ARV1: variants seen among roughly 807,000 people sequenced by gnomAD.
ARV1 encodes the protein protein ARV1.
A neutral mutation model predicts 31.1 loss-of-function variants in ARV1; 26 were observed. That is an observed-to-expected ratio of 0.84 (90% CI 0.61 to 1.16). ARV1 has a LOEUF of 1.16. Ranked by LOEUF, ARV1 falls within the 50% of genes most tolerant of loss-of-function variation. The pLI is 0.00. For missense variants in ARV1, 281 were observed against 324.9 expected (o/e 0.86, Z 1.04); for synonymous variants, 117 against 123.2 (o/e 0.95, Z 0.34).
rs112998971 is a variant in ARV1, at chr1:230,992,332, C to T, written c.448+2069C>T. Among the ~76,000 whole-genome samples, 935 of 152,144 alleles carry T rather than the reference C, an allele frequency of 6.1e-3. 7 individuals carry two copies. Among genetic ancestry groups the T allele is most frequent in the African/African-American group, 0.021 (874 of 41,460 alleles). On this transcript the variant is annotated intron_variant, in intron 3 of 5. Transcript: ENST00000310256. ...CCTTTGAAGTGGCTCTTCCTGTGCC[C>T]GGAATGCCTGTCCCCCTGATGCCCA... is the stretch of plus-strand genomic sequence containing the variant.
At chr1:230,999,355 T>C (rs1341530601) in intron 5 of ARV1, among the ~76,000 whole-genome samples, 1 of 152,134 alleles carries the variant, frequency 6.6e-6, no homozygotes, top group East Asian at 1.9e-4. Context: ...TTCTAACACC[T>C]CCAAACCAGC....
intron 3 of ARV1, among the ~76,000 whole-genome samples, chr1:230,994,734 C>T (rs1679316510): frequency 6.6e-6 from 1 of 151,986 alleles, no homozygotes; most frequent in South Asian, 2.1e-4. Context: ...TTAGTAGAGA[C>T]GGGGTTTCAC....
At chr1:230,985,964 T>G (rs1679054740) in intron 1 of ARV1, among the ~76,000 whole-genome samples, 1 of 151,944 alleles carries the variant, frequency 6.6e-6, no homozygotes, top group Non-Finnish European at 1.5e-5. Context: ...TTGCCCAGGC[T>G]GGAGTGCAGT....
At chr1:230,982,068 T>G (rs896922276) in intron 1 of ARV1, among the ~76,000 whole-genome samples, 3 of 152,368 alleles carry the variant, frequency 2.0e-5, no homozygotes, top group African/African-American at 7.2e-5. Flanking sequence ...TGTCTTCTCC[T>G]ACTGGAAAGT....
chr1:230,982,892 G>C (rs1185890914), intron 1 of ARV1, among the ~76,000 whole-genome samples: 1 of 151,988 alleles, frequency 6.6e-6, no homozygotes, highest in Non-Finnish European at 1.5e-5. Flanking sequence ...ATATACTTTG[G>C]TCTCTTCCCT....
intron 4 of ARV1, 78 bp from the exon 5 acceptor site, chr1:230,997,043 A>C: frequency 6.5e-7 from 1 of 1,527,204 alleles, no homozygotes; most frequent in Non-Finnish European, 8.9e-7. Context: ...TTTACAAAAC[A>C]ATTCATACTA....
chr1:230,983,412 C>CAAAAA (rs386369944), intron 1 of ARV1, among the ~76,000 whole-genome samples: 33 of 106,426 alleles, frequency 3.1e-4, no homozygotes, highest in African/African-American at 1.1e-3. Flanking sequence ...GACTCCGTCT[C>CAAAAA]AAAAAAAAAA....
chr1:230,994,194 G>C (rs2103054437), intron 3 of ARV1, among the ~76,000 whole-genome samples: 1 of 152,292 alleles, frequency 6.6e-6, no homozygotes, highest in Middle Eastern at 3.4e-3. Flanking sequence ...GGCTGGTGTA[G>C]TTCCATAAAT....
intron 1 of ARV1, among the ~76,000 whole-genome samples, chr1:230,983,132 C>T (rs1326485854): frequency 3.9e-5 from 6 of 152,090 alleles, no homozygotes; most frequent in East Asian, 1.9e-4. Flanking sequence ...ACAGTACTTT[C>T]GGCCTAGCAC....
chr1:230,980,772 A>AG (rs1279454008), intron 1 of ARV1, among the ~76,000 whole-genome samples: 1 of 151,516 alleles, frequency 6.6e-6, no homozygotes, highest in Non-Finnish European at 1.5e-5. Context: ...TCAAAAAAAA[A>AG]AAAAAAACCA....
Position 230,979,276 on chromosome 1 carries a change from C to T in ARV1, c.171C>T (p.Ile57=). ...DYNHGVLKIT[I]CKSCQKPVDK... ...ACCACGGTGTGCTGAAGATAACCAT[C>T]TGTGTGAGTTGTCAGGTGTGGGGTG... The change falls in exon 1 of 6, where the codon ATC becomes ATT. Residue 57 remains isoleucine, a synonymous_variant. Coordinates refer to ENST00000310256, the MANE Select transcript of ARV1 (RefSeq NM_022786.3). The T allele has an allele frequency of 6.2e-7, 1 of 1,613,350 alleles. No individual in the cohort carries two copies. Among genetic ancestry groups the T allele is most frequent in the Non-Finnish European group, 8.5e-7 (1 of 1,179,646 alleles).
rs948235473 is a variant in ARV1 at position 230,979,296 on chromosome 1, G to A, written c.174+17G>A. The A allele has an allele frequency of 1.2e-6, 2 of 1,612,454 alleles. No homozygotes were observed. Among genetic ancestry groups the A allele is most frequent in the Non-Finnish European group, 1.7e-6 (2 of 1,179,330 alleles). ...ACCATCTGTGTGAGTTGTCAGGTGTGGGGTGCCCTTGAGAAGAAAATGGCG... is the reference window on the plus strand; with the variant it reads ...ACCATCTGTGTGAGTTGTCAGGTGTAGGGTGCCCTTGAGAAGAAAATGGCG... On this transcript the variant is annotated intron_variant, in intron 1 of 5. Transcript: ENST00000310256.
At chr1:230,992,424 C>G (rs1679254616) in intron 3 of ARV1, among the ~76,000 whole-genome samples, 1 of 152,238 alleles carries the variant, frequency 6.6e-6, no homozygotes, top group Admixed American at 6.5e-5. Flanking sequence ...AAGTGTACCT[C>G]TGACACTCCT....
intron 3 of ARV1, among the ~76,000 whole-genome samples, chr1:230,993,844 A>G (rs1217760975): frequency 6.6e-6 from 1 of 152,230 alleles, no homozygotes; most frequent in Non-Finnish European, 1.5e-5. Context: ...GCAGTGAGTC[A>G]TGTTCATGCC....
intron 1 of ARV1, among the ~76,000 whole-genome samples, chr1:230,981,876 G>A (rs1678918890): frequency 6.6e-6 from 1 of 152,284 alleles, no homozygotes; most frequent in South Asian, 2.1e-4. Flanking sequence ...CAAGGCCTTT[G>A]CACAATGCCT....
intron 1 of ARV1, among the ~76,000 whole-genome samples, chr1:230,985,544 G>A (rs1679042104): frequency 6.6e-6 from 1 of 152,198 alleles, no homozygotes; most frequent in Non-Finnish European, 1.5e-5. Context: ...GAATGCAAAA[G>A]GAATAACAGC....
intron 1 of ARV1, among the ~76,000 whole-genome samples, chr1:230,982,041 A>G (rs1179610684): frequency 1.3e-5 from 2 of 152,204 alleles, no homozygotes; most frequent in African/African-American, 4.8e-5. Flanking sequence ...CTTGTATATA[A>G]TTGACTTAAT....
chr1:230,993,800 C>T (rs533293125), intron 3 of ARV1, among the ~76,000 whole-genome samples: 2 of 152,264 alleles, frequency 1.3e-5, no homozygotes, highest in African/African-American at 4.8e-5. Flanking sequence ...GGGGCAGAGA[C>T]AGGAGGATCG....
chr1:230,996,183 T>C (rs187593477), intron 4 of ARV1, among the ~76,000 whole-genome samples, 199 bp downstream of exon 4: 10 of 152,334 alleles, frequency 6.6e-5, no homozygotes, highest in Admixed American at 6.5e-4. Flanking sequence ...TAGTACTTTA[T>C]AGTTTTCAAA....
Sources: allele counts gnomAD v4.1 joint callset (sites outside exome capture counted in the v4.1 genomes callset), GRCh38; gene constraint gnomAD v4.1.1; transcripts MANE v1.5; gene names NCBI Gene and HGNC (gene_info 2026-07-23, HGNC 2026-07-21).